Variants in CDC42BPA observed in about 807,000 individuals in gnomAD.
CDC42BPA encodes serine/threonine-protein kinase MRCK alpha.
Under a neutral mutation model 223.5 loss-of-function variants are expected in CDC42BPA, and 80 were observed. That is an observed-to-expected ratio of 0.36 (90% CI 0.30 to 0.43). The LOEUF is 0.43. Among genes scored for constraint, CDC42BPA ranks in the 20% least tolerant of loss-of-function variants. The pLI, the probability that CDC42BPA is intolerant of heterozygous loss-of-function variation, is 1.00. For synonymous variants in CDC42BPA, 694 were observed against 718.6 expected (o/e 0.97, Z 0.55); for missense variants, 1,743 against 2,099.9 (o/e 0.83, Z 3.32).
chr1:227,253,827 T>C (rs543684770), intron 2 of CDC42BPA, among the ~76,000 whole-genome samples: 3 of 152,262 alleles, frequency 2.0e-5, no homozygotes, highest in South Asian at 4.1e-4. Context: ...CATTGACATA[T>C]GAAGTACATG....
intron 35 of CDC42BPA, among the ~76,000 whole-genome samples, chr1:226,995,579 A>G (rs995023198): frequency 5.9e-5 from 9 of 152,336 alleles, no homozygotes; most frequent in Middle Eastern, 3.4e-3. Context: ...AAGAAAACAT[A>G]AAAGTACTTT....
intron 32 of CDC42BPA, among the ~76,000 whole-genome samples, chr1:227,018,842 T>C (rs1252189460): frequency 3.9e-5 from 6 of 152,222 alleles, no homozygotes; most frequent in African/African-American, 9.6e-5. Context: ...ATACATACCA[T>C]AATTTAAAAA....
chr1:227,193,226 C>T (rs1286355645), intron 5 of CDC42BPA, among the ~76,000 whole-genome samples: 1 of 95,392 alleles, frequency 1.0e-5, no homozygotes, highest in African/African-American at 3.6e-5. Flanking sequence ...CCCGCCACCA[C>T]GCCCGGCTAA....
At chr1:227,155,567 G>C (rs992664090) in intron 6 of CDC42BPA, among the ~76,000 whole-genome samples, 2 of 152,066 alleles carry the variant, frequency 1.3e-5, no homozygotes, top group African/African-American at 4.8e-5. Flanking sequence ...TTAGGAGAAT[G>C]CAAGACTCCA....
At chr1:227,153,927 C>A (rs536129350) in intron 6 of CDC42BPA, among the ~76,000 whole-genome samples, 1 of 151,634 alleles carries the variant, frequency 6.6e-6, no homozygotes, top group Non-Finnish European at 1.5e-5. Context: ...CTAAAATGAC[C>A]TAAACCTAAA....
rs185255020 is a variant in CDC42BPA, at chr1:227,100,424, C to T, written c.2249+568G>A. 1.3e-3 allele frequency among the ~76,000 whole-genome samples: 192 copies of T among 152,190 alleles called. 2 individuals are homozygous for T. Among genetic ancestry groups the T allele is most frequent in the African/African-American group, 4.3e-3 (177 of 41,544 alleles). On this transcript the variant is annotated intron_variant, in intron 15 of 36. Transcript: ENST00000366766. ...ACTTTGCCTCTATTTTACTTTCCAGCTTCATTTCTCACCACTCTCATCTAT... is the reference window on the plus strand; with the variant it reads ...ACTTTGCCTCTATTTTACTTTCCAGTTTCATTTCTCACCACTCTCATCTAT...
chr1:227,021,670 T>C (rs529190065), intron 32 of CDC42BPA, among the ~76,000 whole-genome samples: 20 of 152,008 alleles, frequency 1.3e-4, no homozygotes, highest in Admixed American at 3.9e-4. Flanking sequence ...TTTTTGATAG[T>C]AGAAAACACA....
intron 1 of CDC42BPA, among the ~76,000 whole-genome samples, chr1:227,268,643 A>ATATAGTGT (rs1553426703): frequency 2.8e-5 from 4 of 143,972 alleles, no homozygotes; most frequent in East Asian, 4.0e-4. Context: ...GTATATATAT[A>ATATAGTGT]GTGTGTGTGT....
At chr1:227,249,142 G>A (rs1342883652) in intron 2 of CDC42BPA, among the ~76,000 whole-genome samples, 1 of 152,016 alleles carries the variant, frequency 6.6e-6, no homozygotes, top group Non-Finnish European at 1.5e-5. Context: ...CATACATACA[G>A]GGAACTAATT....
At chr1:227,132,859 C>T (rs1360990662) in intron 10 of CDC42BPA, among the ~76,000 whole-genome samples, 12 of 150,938 alleles carry the variant, frequency 8.0e-5, no homozygotes, top group African/African-American at 2.0e-4. Flanking sequence ...TCTGCCCGGC[C>T]GCCCCGTCTG....
intron 21 of CDC42BPA, among the ~76,000 whole-genome samples, chr1:227,060,578 C>CCTAG (rs1488516365): frequency 6.6e-6 from 1 of 151,596 alleles, no homozygotes; most frequent in Non-Finnish European, 1.5e-5. Flanking sequence ...TTCTTGGGGA[C>CCTAG]CTAGAGGAGG....
rs554863995 is a variant in CDC42BPA at position 227,070,970 on chromosome 1, G to A, written c.2828-1117C>T. 2.6e-4 allele frequency among the ~76,000 whole-genome samples: 39 copies of A among 151,826 alleles called. No homozygotes were observed. In the South Asian group the frequency reaches 6.8e-3, roughly 27 times the overall value. On this transcript the variant is annotated intron_variant, in intron 20 of 36. Coordinates refer to ENST00000366766, the MANE Select transcript of CDC42BPA (RefSeq NM_001394014.1). The stretch of plus-strand genomic sequence containing the variant: ...GGGCCACGAGTTGTCCATGTCTTAC[G>A]AATTCTTTTTCTTTTCCTCACTAAA...
At chr1:227,235,231 C>T (rs2148034529) in intron 2 of CDC42BPA, 1 of 152,290 alleles carries the variant, frequency 6.6e-6, no homozygotes, top group South Asian at 2.1e-4. Context: ...GGCTGACTGT[C>T]AATTCCTAGA....
At position 226,992,774 on chromosome 1, in the gene CDC42BPA, C is replaced by G. The variant is rs1172821288; in HGVS notation, c.*1494G>C. On this transcript the variant is annotated 3_prime_UTR_variant, in exon 37 of 37. Transcript: ENST00000366766. ...TCTCTTTCTCTACTCATGTGCTTAA[C>G]TGGTGAAATGATTCTGTAGAAATAG... 1 of 152,206 alleles carries G rather than the reference C, an allele frequency of 6.6e-6. No individual in the cohort carries two copies. The highest frequency in any genetic ancestry group is 6.5e-5 in the Admixed American group (1 of 15,280). 9.4% of individuals were successfully genotyped at this position (152,206 alleles called of 1,614,324 possible). A position where few individuals can be genotyped will look rare whatever the true frequency, so the allele number is the denominator to read the frequency against.
intron 2 of CDC42BPA, chr1:227,235,495 T>C: frequency 6.6e-6 from 1 of 152,208 alleles, no homozygotes; most frequent in East Asian, 1.9e-4. Flanking sequence ...AGTTCAGATA[T>C]AATTCAAGAG....
chr1:227,178,632 A>T (rs1000175574), intron 5 of CDC42BPA, among the ~76,000 whole-genome samples: 1 of 152,098 alleles, frequency 6.6e-6, no homozygotes, highest in Non-Finnish European at 1.5e-5. Context: ...GGTAGCTACG[A>T]CTACAGGCAT....
chr1:227,252,652 A>G (rs540154649), intron 2 of CDC42BPA, among the ~76,000 whole-genome samples: 31 of 152,316 alleles, frequency 2.0e-4, no homozygotes, highest in African/African-American at 7.0e-4. Flanking sequence ...CAAAAAGCAC[A>G]TGAAGTCCGT....
intron 14 of CDC42BPA, among the ~76,000 whole-genome samples, chr1:227,107,998 G>T (rs1686231850): frequency 6.6e-6 from 1 of 152,024 alleles, no homozygotes; most frequent in African/African-American, 2.4e-5. Flanking sequence ...TTGGGAAGGG[G>T]TCAGTCTAAT....
intron 32 of CDC42BPA, 35 bp from the exon 33 acceptor site, chr1:227,017,085 C>T: frequency 1.3e-6 from 2 of 1,583,922 alleles, no homozygotes; most frequent in Non-Finnish European, 1.7e-6. Flanking sequence ...TAATGATGTT[C>T]TTTAAACTGT....
Sources: gnomAD v4.1 joint callset for allele counts (sites outside exome capture counted in the v4.1 genomes callset) on GRCh38, gnomAD v4.1.1 for gene constraint, MANE v1.5 for transcripts, NCBI Gene and HGNC (gene_info 2026-07-23, HGNC 2026-07-21) for gene names.